SARNP: variants seen among roughly 807,000 people sequenced by gnomAD.
SARNP encodes the protein SAP domain containing ribonucleoprotein.
In SARNP, 5 loss-of-function variants were observed where a neutral mutation model predicts 38.1. That is an observed-to-expected ratio of 0.13 (90% CI 0.07 to 0.28). SARNP has a LOEUF of 0.28. Ranked by LOEUF, SARNP falls within the 10% of genes least tolerant of loss-of-function variation. The pLI, the probability that SARNP is intolerant of heterozygous loss-of-function variation, is 1.00. For synonymous variants in SARNP, 84 were observed against 80.6 expected, an observed-to-expected ratio of 1.04 and a Z score of -0.23; for missense variants, 180 against 243.9, an observed-to-expected ratio of 0.74 and a Z score of 1.75.
At chr12:55,807,261 T>G (rs1006804737) in intron 1 of SARNP, among the ~76,000 whole-genome samples, 1 of 152,168 alleles carries the variant, frequency 6.6e-6, no homozygotes, top group Non-Finnish European at 1.5e-5. Flanking sequence ...AAGCTTACAC[T>G]CGGTTTTTGT....
At position 55,769,544 on chromosome 12, in the gene SARNP, C is replaced by T. The variant is rs545745707; in HGVS notation, c.502-8904G>A. Among the ~76,000 whole-genome samples the T allele has an allele frequency of 2.4e-4, 36 of 152,284 alleles. 1 individual carries two copies. The South Asian group carries it at 5.8e-3, about 25-fold the overall frequency. ...TTACCTTCTGAATCTTGTGAATCACCATAAACAGTGCAACTGTGCTTTCCC... is the reference window on the plus strand; with the variant it reads ...TTACCTTCTGAATCTTGTGAATCACTATAAACAGTGCAACTGTGCTTTCCC... On this transcript the variant is annotated intron_variant, in intron 9 of 10. Coordinates refer to ENST00000336133, the MANE Select transcript of SARNP (RefSeq NM_033082.4).
At chr12:55,794,171 C>G in intron 7 of SARNP, 188 bp downstream of exon 7, 1 of 593,174 alleles carries the variant, frequency 1.7e-6, no homozygotes, top group Non-Finnish European at 3.0e-6. Context: ...TCATAACATT[C>G]AGTATCTCTC....
intron 2 of SARNP, among the ~76,000 whole-genome samples, chr12:55,801,706 C>G (rs557138109): frequency 3.3e-5 from 5 of 152,162 alleles, no homozygotes; most frequent in Admixed American, 6.5e-5. Flanking sequence ...CAGCCTCCCC[C>G]TCCTGGGCTC....
chr12:55,776,428 C>T (rs1029414656), intron 9 of SARNP, among the ~76,000 whole-genome samples: 2 of 152,046 alleles, frequency 1.3e-5, no homozygotes, highest in African/African-American at 4.8e-5. Flanking sequence ...TCTTTAAAAA[C>T]AAAACAAAAC....
At chr12:55,808,579 G>A (rs1880227045) in intron 1 of SARNP, among the ~76,000 whole-genome samples, 1 of 152,074 alleles carries the variant, frequency 6.6e-6, no homozygotes, top group East Asian at 1.9e-4. Context: ...TTACAGACAT[G>A]AGCCACCACG....
At chr12:55,812,846 T>C (rs764414843) in intron 1 of SARNP, among the ~76,000 whole-genome samples, 1 of 152,258 alleles carries the variant, frequency 6.6e-6, no homozygotes, top group African/African-American at 2.4e-5. Flanking sequence ...AAGTATTATC[T>C]TGGATACAGG....
chr12:55,794,943 GAGGT>G (rs1347568975), intron 5 of SARNP, 63 bp from the exon 6 acceptor site: 2 of 349,998 alleles, frequency 5.7e-6, no homozygotes, highest in Non-Finnish European at 1.1e-5. Flanking sequence ...AAGTCAGTCA[GAGGT>G]AGGTATCTTT....
chr12:55,813,539 ATTTTTT>A (rs11412761), intron 1 of SARNP, among the ~76,000 whole-genome samples: 3 of 108,090 alleles, frequency 2.8e-5, no homozygotes, highest in African/African-American at 1.1e-4. Flanking sequence ...GCTGCCTGGA[ATTTTTT>A]TTTTTTTTTT....
chr12:55,769,287 T>C (rs979238819), intron 9 of SARNP, among the ~76,000 whole-genome samples: 3 of 152,182 alleles, frequency 2.0e-5, no homozygotes, highest in South Asian at 2.1e-4. Flanking sequence ...ATTCATTCAG[T>C]AGTCAAATGA....
intron 1 of SARNP, among the ~76,000 whole-genome samples, chr12:55,816,829 A>G (rs757076230): frequency 6.6e-6 from 1 of 152,154 alleles, no homozygotes; most frequent in Non-Finnish European, 1.5e-5. Flanking sequence ...CAAGAGTCTC[A>G]TAAGACAATT....
At chr12:55,802,663 T>C (rs1880015239) in intron 2 of SARNP, among the ~76,000 whole-genome samples, 1 of 151,520 alleles carries the variant, frequency 6.6e-6, no homozygotes, top group Admixed American at 6.6e-5. Context: ...CCGAAAAAAC[T>C]AAAATCTGAA....
chr12:55,771,230 T>C (rs937530863), intron 9 of SARNP, among the ~76,000 whole-genome samples: 2 of 152,152 alleles, frequency 1.3e-5, no homozygotes, highest in Non-Finnish European at 2.9e-5. Context: ...AGTGCTGGGA[T>C]TGCAGGTGTG....
At chr12:55,770,584 T>C (rs1381053903) in intron 9 of SARNP, among the ~76,000 whole-genome samples, 1 of 152,092 alleles carries the variant, frequency 6.6e-6, no homozygotes, top group Non-Finnish European at 1.5e-5. Context: ...ATGATTTCCA[T>C]GGCATATATA....
intron 9 of SARNP, among the ~76,000 whole-genome samples, chr12:55,765,288 T>A (rs1878795325): frequency 1.3e-5 from 2 of 152,208 alleles, no homozygotes; most frequent in Admixed American, 1.3e-4. Context: ...TTCTCCTGGT[T>A]CTTTATTTGG....
downstream of SARNP, chr12:55,756,849 ACCCTTGAAATCAGGG>A (rs1156854090): frequency 2.0e-5 from 3 of 152,054 alleles, no homozygotes; most frequent in African/African-American, 4.8e-5. Context: ...GTATCACATC[ACCCTTGAAATCAGGG>A]CCCTTTTCCT....
intron 2 of SARNP, among the ~76,000 whole-genome samples, chr12:55,803,377 GGGAGGCTGAGACA>G (rs1435258000): frequency 6.6e-6 from 1 of 151,890 alleles, no homozygotes; most frequent in Non-Finnish European, 1.5e-5. Flanking sequence ...CCAGCTGCTT[GGGAGGCTGAGACA>G]GGAGAATTGG....
At chr12:55,809,734 AC>A (rs1880268631) in intron 1 of SARNP, among the ~76,000 whole-genome samples, 1 of 134,374 alleles carries the variant, frequency 7.4e-6, no homozygotes, top group Non-Finnish European at 1.7e-5. Context: ...CAGAAGGGAG[AC>A]CCTGTCTCAA....
chr12:55,811,935 G>C (rs1880339752), intron 1 of SARNP, among the ~76,000 whole-genome samples: 1 of 152,126 alleles, frequency 6.6e-6, no homozygotes, highest in African/African-American at 2.4e-5. Flanking sequence ...ACAGATTATT[G>C]TCAAAATTCT....
chr12:55,807,646 C>CA (rs768134544), intron 1 of SARNP, among the ~76,000 whole-genome samples: 7,776 of 75,424 alleles, frequency 0.1, 296 homozygotes, highest in East Asian at 0.17. Context: ...ACTAAAAATA[C>CA]AAAAAAAAAA....
Sources: allele counts gnomAD v4.1 joint callset (sites outside exome capture counted in the v4.1 genomes callset), GRCh38; gene constraint gnomAD v4.1.1; transcripts MANE v1.5; gene names NCBI Gene and HGNC (gene_info 2026-07-23, HGNC 2026-07-21).